Variants in UBE2K observed in about 807,000 individuals in gnomAD.
UBE2K encodes the protein ubiquitin-conjugating enzyme E2 K.
In UBE2K, 6 loss-of-function variants were observed where a neutral mutation model predicts 30.0. The observed-to-expected ratio is 0.20, with a 90% CI of 0.11 to 0.39. UBE2K has a LOEUF of 0.39. Among genes scored for constraint, UBE2K ranks in the 10% least tolerant of loss-of-function variants. The pLI is 1.00. For missense variants in UBE2K, 61 were observed against 241.6 expected, an observed-to-expected ratio of 0.25 and a Z score of 4.96; for synonymous variants, 86 against 83.7, an observed-to-expected ratio of 1.03 and a Z score of -0.15.
At position 39,698,260 on chromosome 4, in the gene UBE2K, G is replaced by T; in HGVS notation, c.-68G>T. On this transcript the variant is annotated 5_prime_UTR_variant, in exon 1 of 7. Coordinates refer to ENST00000261427, the MANE Select transcript of UBE2K (RefSeq NM_005339.5). ...GAGGGAGGAGGCGGTGGAGGAAGAG[G>T]TGGCGGCGGTGGCGGTGGTCGTAGC... 1 of 1,477,768 alleles carries T rather than the reference G, an allele frequency of 6.8e-7. No homozygotes were observed. The highest frequency in any genetic ancestry group is 2.3e-5 in the East Asian group (1 of 42,936). 91.5% of individuals were successfully genotyped at this position (1,477,768 alleles called of 1,614,324 possible).
rs990672661 is a variant in UBE2K at position 39,771,003 on chromosome 4, G to A, written c.300-3831G>A. 5.6e-6 allele frequency: 9 copies of A among 1,610,492 alleles called. No individual in the cohort carries two copies. In the African/African-American group the frequency reaches 1.1e-4, roughly 19 times the overall value. On this transcript the variant is annotated intron_variant, in intron 4 of 6. Transcript: ENST00000261427. ...GGAGGGACTTGTTGGCGCTGACGCT[G>A]CTCACAAGGCTAGCCTCACGGACCC...
intron 1 of UBE2K, among the ~76,000 whole-genome samples, chr4:39,706,329 A>G (rs956166596): frequency 2.6e-5 from 4 of 151,430 alleles, no homozygotes; most frequent in African/African-American, 9.7e-5. Context: ...ATACCCAGCT[A>G]ATTTTTGTAG....
intron 1 of UBE2K, among the ~76,000 whole-genome samples, chr4:39,727,870 G>A (rs767708641): frequency 2.6e-5 from 4 of 152,026 alleles, no homozygotes; most frequent in African/African-American, 9.7e-5. Context: ...AGTGGCTCAC[G>A]CCTGTAATCC....
At chr4:39,739,241 C>G (rs1307150964) in intron 2 of UBE2K, among the ~76,000 whole-genome samples, 1 of 150,688 alleles carries the variant, frequency 6.6e-6, no homozygotes, top group Non-Finnish European at 1.5e-5. Context: ...CCGTGTTAGC[C>G]AGAATGGTCT....
chr4:39,768,484 G>C (rs1172602039), intron 4 of UBE2K, among the ~76,000 whole-genome samples: 1 of 150,740 alleles, frequency 6.6e-6, no homozygotes, highest in African/African-American at 2.4e-5. Flanking sequence ...ATGGTGAGTA[G>C]AAAGACAAGA....
intron 4 of UBE2K, among the ~76,000 whole-genome samples, chr4:39,763,292 C>T (rs1388901933): frequency 6.6e-6 from 1 of 150,806 alleles, no homozygotes; most frequent in Non-Finnish European, 1.5e-5. Flanking sequence ...GCTCTTGTTA[C>T]CCGGGCTGGA....
At chr4:39,737,360 A>G (rs998991438) in intron 1 of UBE2K, 60 bp from the exon 2 acceptor site, 64 of 1,016,662 alleles carry the variant, frequency 6.3e-5, no homozygotes, top group South Asian at 2.5e-4. Context: ...TTTTATAGGT[A>G]ATACTTTAGG....
chr4:39,771,720 C>T (rs965413581), intron 4 of UBE2K, among the ~76,000 whole-genome samples: 2 of 152,138 alleles, frequency 1.3e-5, no homozygotes, highest in Admixed American at 6.6e-5. Flanking sequence ...GTTTCTGATT[C>T]AGTAGCTCTG....
intron 1 of UBE2K, among the ~76,000 whole-genome samples, chr4:39,727,254 A>G (rs1719805273): frequency 6.6e-6 from 1 of 152,266 alleles, no homozygotes; most frequent in Non-Finnish European, 1.5e-5. Context: ...AACATGGACA[A>G]CAAAGACTGA....
At chr4:39,765,427 G>T (rs763552808) in intron 4 of UBE2K, among the ~76,000 whole-genome samples, 18 of 152,050 alleles carry the variant, frequency 1.2e-4, no homozygotes, top group Non-Finnish European at 2.4e-4. Flanking sequence ...GGGAGGCTGA[G>T]GTTGGAGGAT....
chr4:39,744,759 T>C (rs1322092939), intron 2 of UBE2K, among the ~76,000 whole-genome samples: 1 of 150,982 alleles, frequency 6.6e-6, no homozygotes, highest in East Asian at 2.0e-4. Flanking sequence ...ACAAAAAAAT[T>C]AGCCAGGCGT....
intron 1 of UBE2K, among the ~76,000 whole-genome samples, chr4:39,729,700 T>C (rs768796054): frequency 6.6e-6 from 1 of 152,200 alleles, no homozygotes; most frequent in Non-Finnish European, 1.5e-5. Context: ...ATTTTTATTA[T>C]TCTTCATGAC....
At chr4:39,768,507 G>A (rs1029272083) in intron 4 of UBE2K, among the ~76,000 whole-genome samples, 1 of 151,408 alleles carries the variant, frequency 6.6e-6, no homozygotes, top group Non-Finnish European at 1.5e-5. Flanking sequence ...GAACATTTGA[G>A]GACTGAGTTT....
At chr4:39,755,584 T>G in intron 3 of UBE2K, 73 bp from the exon 4 acceptor site, 1 of 1,151,014 alleles carries the variant, frequency 8.7e-7, no homozygotes, top group Non-Finnish European at 1.3e-6. Flanking sequence ...TTTGAAGATT[T>G]CATTTTCTTG....
At chr4:39,753,605 C>T (rs939926285) in intron 3 of UBE2K, among the ~76,000 whole-genome samples, 1 of 152,010 alleles carries the variant, frequency 6.6e-6, no homozygotes, top group Admixed American at 6.6e-5. Flanking sequence ...AAGGAAACTG[C>T]AGGTGTGTGG....
intron 1 of UBE2K, among the ~76,000 whole-genome samples, chr4:39,704,756 G>A (rs1718237235): frequency 1.3e-5 from 2 of 151,882 alleles, no homozygotes; most frequent in Admixed American, 1.3e-4. Context: ...TGCCCAGGCT[G>A]GTCTCGAACT....
chr4:39,698,896 A>G (rs1048887866), intron 1 of UBE2K, among the ~76,000 whole-genome samples: 2 of 152,152 alleles, frequency 1.3e-5, no homozygotes, highest in Non-Finnish European at 1.5e-5. Flanking sequence ...GTCCTTAGGT[A>G]TTGATTAAAA....
At position 39,740,785 on chromosome 4, in the gene UBE2K, C is replaced by A. The variant is rs1401883500; in HGVS notation, c.157+3272C>A. Among the ~76,000 whole-genome samples, 68 of 145,172 alleles carry A rather than the reference C, an allele frequency of 4.7e-4. 1 individual carries two copies. Among genetic ancestry groups the A allele is most frequent in the Admixed American group, 8.8e-4 (13 of 14,720 alleles). ...GGCTGAGGCAGGAGAATGGTGTGAA[C>A]CCGGGAGGCGGAGCTTGCAGTGAGC... On this transcript the variant is annotated intron_variant, in intron 2 of 6. Transcript: ENST00000261427.
chr4:39,749,183 A>C (rs1251459576), intron 3 of UBE2K, among the ~76,000 whole-genome samples: 1 of 152,226 alleles, frequency 6.6e-6, no homozygotes, highest in African/African-American at 2.4e-5. Flanking sequence ...GCAATAAATT[A>C]TTGACCGGAA....
Sources: gnomAD v4.1 joint callset for allele counts (sites outside exome capture counted in the v4.1 genomes callset) on GRCh38, gnomAD v4.1.1 for gene constraint, MANE v1.5 for transcripts, NCBI Gene and HGNC (gene_info 2026-07-23, HGNC 2026-07-21) for gene names.